The following PCDH15 variants were observed in gnomAD, a reference collection of about 807,000 sequenced individuals.
PCDH15 encodes protocadherin related 15, also known as protocadherin-15.
PCDH15 carries 129 observed loss-of-function variants against 178.5 expected under a neutral mutation model. The observed-to-expected ratio is 0.72, with a 90% CI of 0.63 to 0.84. The LOEUF (loss-of-function observed/expected upper bound fraction) is 0.84. PCDH15 is among the 40% of genes least tolerant of loss of function. The pLI, the probability that PCDH15 is intolerant of heterozygous loss-of-function variation, is 0.00. For missense variants in PCDH15, 2,230 were observed against 2,099.9 expected (o/e 1.06, Z -1.21); for synonymous variants, 800 against 732.0 (o/e 1.09, Z -1.50).
At chr10:54,028,194 T>C (rs1370564987) in intron 18 of PCDH15, among the ~76,000 whole-genome samples, 1 of 148,464 alleles carries the variant, frequency 6.7e-6, no homozygotes, top group Non-Finnish European at 1.5e-5. Flanking sequence ...AAAATGCTCA[T>C]CATCACTGGC....
chr10:55,140,188 G>A (rs1446047667), intron 2 of PCDH15, among the ~76,000 whole-genome samples: 1 of 151,744 alleles, frequency 6.6e-6, no homozygotes, highest in Non-Finnish European at 1.5e-5. Flanking sequence ...GATTCTTTAA[G>A]AGTTTCCATA....
intron 3 of PCDH15, among the ~76,000 whole-genome samples, chr10:54,819,546 A>G (rs563165436): frequency 6.6e-6 from 1 of 152,122 alleles, no homozygotes; most frequent in East Asian, 1.9e-4. Context: ...CTTATTATCA[A>G]GGGTTAATGT....
At chr10:55,283,271 C>A (rs192683976) in intron 1 of PCDH15, among the ~76,000 whole-genome samples, 1 of 152,150 alleles carries the variant, frequency 6.6e-6, no homozygotes, top group African/African-American at 2.4e-5. Flanking sequence ...AATGACTCAG[C>A]GCACGAGGAC....
At chr10:54,927,363 C>T (rs1591788770) in intron 2 of PCDH15, among the ~76,000 whole-genome samples, 1 of 152,018 alleles carries the variant, frequency 6.6e-6, no homozygotes, top group South Asian at 2.1e-4. Context: ...ATTATGCAAT[C>T]AATTTTATAG....
chr10:54,664,178 C>G lies in PCDH15; in HGVS notation c.85G>C (p.Asp29His). 6.2e-7 allele frequency: 1 copy of G among 1,611,634 alleles called. No individual in the cohort carries two copies. ...AAGCTAAAAGCAACCTTACCATCAT[C>G]ATACTGGCCCAAGCAGATTTCAAAG... ...SLFEICLGQY[D>H]DDCKLARGGP... The change falls in exon 2 of 38, where the codon GAT becomes CAT. Residue 29 changes from aspartate to histidine, a missense_variant. Physicochemically the swap from Asp to His is moderately conservative, Grantham distance 81 (BLOSUM62 -1). Coordinates refer to ENST00000644397, the MANE Select transcript of PCDH15 (RefSeq NM_001384140.1).
rs34416053 is a variant in PCDH15 at position 53,830,305 on chromosome 10, G to GA, written c.4202+1009dup. 5.8e-3 allele frequency among the ~76,000 whole-genome samples: 806 copies of GA among 139,996 alleles called. 10 individuals are homozygous for GA. Among genetic ancestry groups the GA allele is most frequent in the African/African-American group, 0.017 (660 of 37,988 alleles). 91.8% of individuals were successfully genotyped at this position (139,996 alleles called of 152,430 possible). On this transcript the variant is annotated intron_variant, in intron 30 of 37. Transcript: ENST00000644397. ...CGACAGAGCCAGACTCCGTCTCCAGGAAAAAAAAAAAAAAAGTAAAGAATA... is the reference window on the plus strand; with the variant it reads ...CGACAGAGCCAGACTCCGTCTCCAGGAAAAAAAAAAAAAAAAGTAAAGAATA...
chr10:54,862,351 A>C (rs918468649), intron 3 of PCDH15, among the ~76,000 whole-genome samples: 16 of 152,252 alleles, frequency 1.1e-4, no homozygotes, highest in South Asian at 2.1e-4. Context: ...AATAACATAT[A>C]AAGTACAACA....
chr10:55,611,817 A>G (rs1300931534), intron 2 of PCDH15, among the ~76,000 whole-genome samples: 2 of 152,112 alleles, frequency 1.3e-5, no homozygotes, highest in African/African-American at 4.8e-5. Flanking sequence ...GTGTATATAC[A>G]CAATGGAATA....
At chr10:54,431,881 T>G (rs1246931590) in intron 3 of PCDH15, among the ~76,000 whole-genome samples, 1 of 152,028 alleles carries the variant, frequency 6.6e-6, no homozygotes, top group East Asian at 1.9e-4. Context: ...AAAAATCTAT[T>G]AGAACTGATA....
At position 55,626,893 on chromosome 10, in the gene PCDH15, G is replaced by A. The variant is rs186790641; in HGVS notation, c.-156+732C>T. The stretch of plus-strand genomic sequence containing the variant: ...TATCATCCCTGTATATTGCAAAAGT[G>A]TTCCATTCTCTCTAAATTCACATTA... On this transcript the variant is annotated intron_variant, in intron 2 of 5. Coordinates refer to the PCDH15 transcript ENST00000613346. 2.0e-5 allele frequency among the ~76,000 whole-genome samples: 3 copies of A among 152,210 alleles called. No homozygotes were observed. The East Asian group carries it at 5.8e-4, about 29-fold the overall frequency.
intron 5 of PCDH15, among the ~76,000 whole-genome samples, chr10:54,348,229 T>A (rs1943626162): frequency 6.6e-6 from 1 of 152,094 alleles, no homozygotes; most frequent in Admixed American, 6.6e-5. Flanking sequence ...TAGTTTGCAA[T>A]CTCTGATTTA....
Position 55,358,564 on chromosome 10 carries a change from G to T in PCDH15, c.-155-191913C>A, listed in dbSNP as rs1461884727. 2.0e-5 allele frequency among the ~76,000 whole-genome samples: 3 copies of T among 152,046 alleles called. No individual in the cohort carries two copies. The East Asian group carries it at 5.8e-4, about 29-fold the overall frequency. On this transcript the variant is annotated intron_variant, in intron 2 of 5. Transcript: ENST00000613346. ...GCATATCTCACAGAGTGTAGTTGTTGTAATAATATAATAGTTGCCACCTAA... is the reference window on the plus strand; with the variant it reads ...GCATATCTCACAGAGTGTAGTTGTTTTAATAATATAATAGTTGCCACCTAA...
chr10:55,150,395 C>G (rs1464313921), intron 2 of PCDH15, among the ~76,000 whole-genome samples: 1 of 152,012 alleles, frequency 6.6e-6, no homozygotes, highest in East Asian at 1.9e-4. Flanking sequence ...TTGGCACCAG[C>G]AAAGTCAAAA....
intron 1 of PCDH15, among the ~76,000 whole-genome samples, chr10:54,748,007 G>A (rs1207319684): frequency 6.6e-6 from 1 of 151,940 alleles, no homozygotes; most frequent in Non-Finnish European, 1.5e-5. Flanking sequence ...GGGTTTTACT[G>A]TGTTAGCCAG....
chr10:54,359,638 C>A (rs1295284772), intron 5 of PCDH15, among the ~76,000 whole-genome samples: 1 of 151,798 alleles, frequency 6.6e-6, no homozygotes, highest in African/African-American at 2.4e-5. Flanking sequence ...GCACATTGAA[C>A]CAATTATTTG....
chr10:55,533,984 G>C (rs1245764547), intron 2 of PCDH15, among the ~76,000 whole-genome samples: 2 of 151,986 alleles, frequency 1.3e-5, no homozygotes, highest in African/African-American at 4.8e-5. Flanking sequence ...AATGGGGAAT[G>C]GACTCCCTAT....
At position 55,434,546 on chromosome 10, in the gene PCDH15, T is replaced by A. The variant is rs146791065; in HGVS notation, c.-156+193079A>T. Among the ~76,000 whole-genome samples, 780 of 152,262 alleles carry A rather than the reference T, an allele frequency of 5.1e-3. 5 individuals are homozygous for A. The highest frequency in any genetic ancestry group is 0.018 in the African/African-American group (743 of 41,528). ...TTTACTTATCCACAGACACAAAATA[T>A]CTAGCTCTTCATTAACATGTTTCAA... On this transcript the variant is annotated intron_variant, in intron 2 of 5. Transcript: ENST00000613346.
chr10:53,908,510 C>G lies in PCDH15; in HGVS notation c.3374-5140G>C, dbSNP rs1487952293. Among the ~76,000 whole-genome samples, 4 of 152,294 alleles carry G rather than the reference C, an allele frequency of 2.6e-5. No individual in the cohort carries two copies. In the South Asian group the frequency reaches 6.2e-4, roughly 24 times the overall value. On this transcript the variant is annotated intron_variant, in intron 25 of 37. Coordinates refer to ENST00000644397, the MANE Select transcript of PCDH15 (RefSeq NM_001384140.1). ...ACTGTGTCCTATAAAGTCAAGGGCT[C>G]AAGCCTGTTTACCTCCACTCTTGTC...
intron 20 of PCDH15, among the ~76,000 whole-genome samples, chr10:54,011,621 C>T (rs2092589169): frequency 6.6e-6 from 1 of 152,202 alleles, no homozygotes; most frequent in South Asian, 2.1e-4. Flanking sequence ...GAAGAGTCTA[C>T]CTACTGGCCA....
Sources: gnomAD v4.1 joint callset for allele counts (sites outside exome capture counted in the v4.1 genomes callset) on GRCh38, gnomAD v4.1.1 for gene constraint, MANE v1.5 for transcripts, NCBI Gene and HGNC (gene_info 2026-07-23, HGNC 2026-07-21) for gene names.